The following FHIP1A variants were observed in gnomAD, a reference collection of about 807,000 sequenced individuals.
FHIP1A encodes the protein FHF complex subunit HOOK-interacting protein 1A.
In FHIP1A, 61 loss-of-function variants were observed where a neutral mutation model predicts 88.6. That is an observed-to-expected ratio of 0.69 (90% CI 0.56 to 0.85). FHIP1A has a LOEUF of 0.85. Ranked by LOEUF, FHIP1A falls within the 40% of genes least tolerant of loss-of-function variation. The pLI, the probability that FHIP1A is intolerant of heterozygous loss-of-function variation, is 0.00. For missense variants in FHIP1A, 1,154 were observed against 1,273.5 expected, an observed-to-expected ratio of 0.91 and a Z score of 1.43; for synonymous variants, 478 against 496.0, an observed-to-expected ratio of 0.96 and a Z score of 0.48.
intron 1 of FHIP1A, among the ~76,000 whole-genome samples, chr4:151,431,049 A>G (rs1733572031): frequency 6.6e-6 from 1 of 152,230 alleles, no homozygotes; most frequent in South Asian, 2.1e-4. Flanking sequence ...GTGCCTAGCA[A>G]TAATAAGATT....
Position 151,577,562 on chromosome 4 carries a change from T to C in FHIP1A, c.218T>C (p.Phe73Ser). 6.4e-7 allele frequency: 1 copy of C among 1,551,868 alleles called. No individual in the cohort carries two copies. The highest frequency in any genetic ancestry group is 1.4e-5 in the African/African-American group (1 of 73,142). ...CAGAATTACGTAGAACACATGCTCT[T>C]CTTGTTGATTGAAGAGCAAGCCAAA... is the stretch of plus-strand genomic sequence containing the variant. ...AVQNYVEHML[F>S]LLIEEQAKDA... Residue 73 changes from phenylalanine to serine, a missense_variant, in exon 5 of 14, where the codon TTC becomes TCC. Phe to Ser is a radical substitution (Grantham distance 155). Coordinates refer to ENST00000435205, the MANE Select transcript of FHIP1A (RefSeq NM_001109977.3).
intron 3 of FHIP1A, among the ~76,000 whole-genome samples, chr4:151,487,251 G>C (rs1730120982): frequency 6.6e-6 from 1 of 151,758 alleles, no homozygotes; most frequent in Admixed American, 6.6e-5. Flanking sequence ...TCATATTTTT[G>C]TTTTTTTCTT....
chr4:151,643,066 A>G (rs967396213), intron 9 of FHIP1A, among the ~76,000 whole-genome samples: 2 of 152,180 alleles, frequency 1.3e-5, no homozygotes, highest in South Asian at 2.1e-4. Flanking sequence ...AACAAAATAC[A>G]TATAGTATAA....
intron 7 of FHIP1A, among the ~76,000 whole-genome samples, chr4:151,605,746 A>G (rs1468045411): frequency 1.3e-5 from 2 of 152,226 alleles, no homozygotes; most frequent in Non-Finnish European, 2.9e-5. Context: ...CTGCAAGCTC[A>G]ATAATTCATG....
intron 1 of FHIP1A, among the ~76,000 whole-genome samples, chr4:151,432,045 T>C (rs56365039): frequency 0.018 from 2,713 of 152,308 alleles, 36 homozygotes; most frequent in Non-Finnish European, 0.03. Context: ...TTATGTGCCA[T>C]AAGAAATAAT....
chr4:151,459,520 A>G (rs1253110915), intron 2 of FHIP1A, among the ~76,000 whole-genome samples: 2 of 152,198 alleles, frequency 1.3e-5, no homozygotes, highest in Non-Finnish European at 1.5e-5. Flanking sequence ...TCCAAGTTGG[A>G]AGTAAATACT....
intron 1 of FHIP1A, among the ~76,000 whole-genome samples, chr4:151,448,073 T>A (rs774524656): frequency 6.6e-6 from 1 of 151,968 alleles, no homozygotes; most frequent in Non-Finnish European, 1.5e-5. Context: ...CACACCTGGC[T>A]AATTTTTTTG....
At chr4:151,475,142 T>C (rs1175103232) in intron 2 of FHIP1A, among the ~76,000 whole-genome samples, 1 of 152,210 alleles carries the variant, frequency 6.6e-6, no homozygotes, top group Non-Finnish European at 1.5e-5. Context: ...GTAAAATAAG[T>C]ATCCATTCAT....
intron 3 of FHIP1A, among the ~76,000 whole-genome samples, chr4:151,483,800 G>A (rs537270456): frequency 6.6e-6 from 1 of 152,226 alleles, no homozygotes; most frequent in South Asian, 2.1e-4. Context: ...TTTAGAGACA[G>A]TTTAAGATAC....
chr4:151,555,294 TTCTTGGG>T (rs1732903831), intron 3 of FHIP1A, among the ~76,000 whole-genome samples: 1 of 152,206 alleles, frequency 6.6e-6, no homozygotes, highest in Non-Finnish European at 1.5e-5. Context: ...AAACATACTT[TTCTTGGG>T]TAAGAACATT....
chr4:151,608,848 A>T (rs1201313347), intron 7 of FHIP1A, among the ~76,000 whole-genome samples: 1 of 152,226 alleles, frequency 6.6e-6, no homozygotes, highest in Non-Finnish European at 1.5e-5. Flanking sequence ...GAGATAAGGA[A>T]TCTCAAAATA....
chr4:151,484,527 T>A (rs1048316813), intron 3 of FHIP1A, among the ~76,000 whole-genome samples: 1 of 152,154 alleles, frequency 6.6e-6, no homozygotes, highest in Non-Finnish European at 1.5e-5. Context: ...AATGAAAGGA[T>A]GTAACACTTG....
At chr4:151,449,135 T>C (rs958664111) in intron 1 of FHIP1A, among the ~76,000 whole-genome samples, 10 of 152,220 alleles carry the variant, frequency 6.6e-5, no homozygotes, top group African/African-American at 2.2e-4. Context: ...TCTAGTATGA[T>C]GCCTGATACA....
intron 3 of FHIP1A, among the ~76,000 whole-genome samples, chr4:151,521,325 T>C (rs1044226161): frequency 2.6e-5 from 4 of 152,190 alleles, no homozygotes; most frequent in African/African-American, 9.7e-5. Flanking sequence ...TGGATGAATA[T>C]TTAATAATTT....
At chr4:151,558,538 A>G (rs1733047397) in intron 3 of FHIP1A, among the ~76,000 whole-genome samples, 1 of 151,762 alleles carries the variant, frequency 6.6e-6, no homozygotes, top group Non-Finnish European at 1.5e-5. Flanking sequence ...GTCTCAAACA[A>G]AACAAAACAA....
intron 3 of FHIP1A, among the ~76,000 whole-genome samples, chr4:151,505,338 T>A (rs938764373): frequency 3.9e-5 from 6 of 152,094 alleles, no homozygotes; most frequent in Non-Finnish European, 7.4e-5. Flanking sequence ...ATGATTATTA[T>A]CCTTACAAAA....
chr4:151,599,289 A>G (rs574455898), intron 7 of FHIP1A, among the ~76,000 whole-genome samples: 2 of 152,298 alleles, frequency 1.3e-5, no homozygotes, highest in East Asian at 3.9e-4. Flanking sequence ...AACAAGAGCT[A>G]GTTTTGTTGT....
At chr4:151,417,897 A>G (rs748840315) in intron 1 of FHIP1A, among the ~76,000 whole-genome samples, 11 of 152,168 alleles carry the variant, frequency 7.2e-5, no homozygotes, top group Non-Finnish European at 1.3e-4. Context: ...TGCCAGGCCC[A>G]ATGGCTCATG....
chr4:151,505,354 T>C (rs1730795286), intron 3 of FHIP1A, among the ~76,000 whole-genome samples: 1 of 152,034 alleles, frequency 6.6e-6, no homozygotes, highest in Non-Finnish European at 1.5e-5. Context: ...CAAAACTACA[T>C]GAAATAAGAA....
Sources: allele counts gnomAD v4.1 joint callset (sites outside exome capture counted in the v4.1 genomes callset), GRCh38; gene constraint gnomAD v4.1.1; transcripts MANE v1.5; gene names NCBI Gene and HGNC (gene_info 2026-07-23, HGNC 2026-07-21).